RET: variants seen among roughly 807,000 people sequenced by gnomAD.
The protein encoded by RET is proto-oncogene tyrosine-protein kinase receptor Ret.
RET carries 19 observed loss-of-function variants against 118.3 expected under a neutral mutation model. That is an observed-to-expected ratio of 0.16 (90% confidence interval 0.11 to 0.24). The LOEUF is 0.24. Among genes scored for constraint, RET ranks in the 10% least tolerant of loss-of-function variants. RET has a pLI of 1.00. For synonymous variants in RET, 597 were observed against 644.1 expected (o/e 0.93, Z 1.11); for missense variants, 1,219 against 1,502.1 (o/e 0.81, Z 3.12).
rs1303761164 is a variant in RET, at chr10:43,104,965, C to A, written c.639C>A (p.Pro213=). ...AYRLLEGEGL[P]FRCAPDSLEV... is the part of the protein sequence containing the mutation. ...CTTGGTGCGCAGGTGAGGGTCTGCC[C>A]TTCCGCTGCGCCCCGGACAGCCTGG... Residue 213 remains proline (P), a synonymous_variant, in exon 4 of 20, where the codon CCC becomes CCA. Transcript: ENST00000355710. 1 of 1,569,294 alleles carries A rather than the reference C, an allele frequency of 6.4e-7. No homozygotes were observed. The highest frequency in any genetic ancestry group is 8.6e-7 in the Non-Finnish European group (1 of 1,165,906).
chr10:43,079,199 G>A (rs1420637269), intron 1 of RET, among the ~76,000 whole-genome samples: 2 of 152,120 alleles, frequency 1.3e-5, no homozygotes, highest in African/African-American at 4.8e-5. Flanking sequence ...ACTCACACTG[G>A]ATCACCAAGA....
At position 43,105,170 on chromosome 10, in the gene RET, G is replaced by C; in HGVS notation, c.844G>C (p.Val282Leu). 1 of 1,612,922 alleles carries C rather than the reference G, an allele frequency of 6.2e-7. No individual in the cohort carries two copies. The highest frequency in any genetic ancestry group is 8.5e-7 in the Non-Finnish European group (1 of 1,179,902). The change falls in exon 4 of 20, where the codon GTG (valine) becomes CTG (leucine). Residue 282 changes from valine to leucine, a missense_variant. Val to Leu is a conservative substitution (Grantham distance 32). Coordinates refer to ENST00000355710, the MANE Select transcript of RET (RefSeq NM_020975.6). Reference sequence around the variant, plus strand: ...CGCGGGCGTCGACACCGCCAGCGCCGTGGTGGAGTTCAAGCGGAAGGAGGT... The same window carrying C: ...CGCGGGCGTCGACACCGCCAGCGCCCTGGTGGAGTTCAAGCGGAAGGAGGT... ...FPAGVDTASA[V>L]VEFKRKEDTV...
chr10:43,102,660 A>C, intron 3 of RET, 31 bp downstream of exon 3: 1 of 1,613,080 alleles, frequency 6.2e-7, no homozygotes, highest in Non-Finnish European at 8.5e-7. Context: ...GCCGCCCCAC[A>C]GTGCCTGCTA....
At position 43,106,320 on chromosome 10, in the gene RET, G is replaced by A; in HGVS notation, c.868-56G>A. 1 of 1,544,456 alleles carries A rather than the reference G, an allele frequency of 6.5e-7. No homozygotes were observed. The highest frequency in any genetic ancestry group is 8.8e-7 in the Non-Finnish European group (1 of 1,131,928). On this transcript the variant is annotated intron_variant, in intron 4 of 19. Transcript: ENST00000355710. The surrounding 1 kb of genome is among the most constrained non-coding windows in gnomAD (Gnocchi z 5.1). Reference sequence around the variant, plus strand: ...CAGCATTCTAAGGTCTCTGGTTTTGGGGGGTCTGAGGGGCCCATCTCGCCT... The same window carrying A: ...CAGCATTCTAAGGTCTCTGGTTTTGAGGGGTCTGAGGGGCCCATCTCGCCT...
intron 15 of RET, among the ~76,000 whole-genome samples, 154 bp downstream of exon 15, chr10:43,120,357 C>A (rs1838187647): frequency 6.6e-6 from 1 of 152,106 alleles, no homozygotes; most frequent in African/African-American, 2.4e-5. Context: ...ACCCTGGGTC[C>A]CCAAGGACCC....
At chr10:43,104,788 ACTCGTG>A (rs1837720227) in intron 3 of RET, 158 bp from the exon 4 acceptor site, 2 of 1,077,996 alleles carry the variant, frequency 1.9e-6, no homozygotes, top group Non-Finnish European at 2.6e-6. Context: ...CAAACTGCAA[ACTCGTG>A]CTCCGAGCGC....
At chr10:43,111,156 T>C in intron 6 of RET, 51 bp from the exon 7 acceptor site, 1 of 1,609,242 alleles carries the variant, frequency 6.2e-7, no homozygotes, top group Non-Finnish European at 8.5e-7. Context: ...CCTCAGGCCA[T>C]TACAGGCCGG....
In RET at chr10:43,112,133, T is replaced by A. The variant is rs2132797536; in HGVS notation, c.1557T>A (p.Cys519Ter). 6.2e-7 allele frequency: 1 copy of A among 1,600,704 alleles called. No individual in the cohort carries two copies. Among genetic ancestry groups the A allele is most frequent in the Non-Finnish European group, 8.5e-7 (1 of 1,173,658 alleles). ...VAEEAGCPLSCAVSKRRLECE... is the reference protein window; with the variant it reads ...VAEEAGCPLS ...AGGAGGCGGGCTGCCCCCTGTCCTGTGCAGTCAGCAAGAGACGGCTGGAGT... is the reference window on the plus strand; with the variant it reads ...AGGAGGCGGGCTGCCCCCTGTCCTGAGCAGTCAGCAAGAGACGGCTGGAGT... Residue 519 changes from cysteine (C) to a stop codon, truncating the protein, a stop_gained, in exon 8 of 20, where the codon TGT becomes TGA. Transcript: ENST00000355710. LOFTEE classifies it high-confidence loss of function.
At chr10:43,122,052 A>G (rs1353956835) in intron 16 of RET, 36 bp downstream of exon 16, 1 of 1,531,344 alleles carries the variant, frequency 6.5e-7, no homozygotes, top group Non-Finnish European at 9.1e-7. Context: ...GGTGGAGGTT[A>G]CAGAAACACC....
intron 7 of RET, 125 bp from the exon 8 acceptor site, chr10:43,111,974 T>C (rs2132791892): frequency 7.3e-7 from 1 of 1,370,620 alleles, no homozygotes; most frequent in Non-Finnish European, 1.0e-6. Context: ...CCTGGGTCTG[T>C]CACTCCGGTC....
At chr10:43,086,430 A>G (rs1837290219) in intron 1 of RET, among the ~76,000 whole-genome samples, 1 of 152,132 alleles carries the variant, frequency 6.6e-6, no homozygotes. Flanking sequence ...GCACATGGAC[A>G]TGATCTGAGT....
chr10:43,097,639 C>T (rs971173917), intron 1 of RET, among the ~76,000 whole-genome samples: 2 of 152,174 alleles, frequency 1.3e-5, no homozygotes, highest in African/African-American at 4.8e-5. Context: ...ATGCAGCACC[C>T]CCTCCCACCC....
chr10:43,119,959 C>A, intron 14 of RET, 122 bp from the exon 15 acceptor site: 1 of 1,475,870 alleles, frequency 6.8e-7, no homozygotes, highest in South Asian at 1.2e-5. Flanking sequence ...ACACCCCCGG[C>A]CCAGGTCTCA....
Position 43,099,625 on chromosome 10 carries a change from A to G in RET, c.74-834A>G, listed in dbSNP as rs377367600. On this transcript the variant is annotated intron_variant, in intron 1 of 19. Coordinates refer to ENST00000355710, the MANE Select transcript of RET (RefSeq NM_020975.6). ...ACTGACAAACGAATATGCCCACGTG[A>G]TCTGCACCCTTCTCAGGATATGGGA... Among the ~76,000 whole-genome samples the G allele has an allele frequency of 3.3e-5, 5 of 152,246 alleles. No homozygotes were observed. The East Asian group carries it at 5.8e-4, about 18-fold the overall frequency.
chr10:43,113,693 G>A lies in RET; in HGVS notation c.1879+18G>A, dbSNP rs368088386. On this transcript the variant is annotated intron_variant, in intron 10 of 19. Coordinates refer to ENST00000355710, the MANE Select transcript of RET (RefSeq NM_020975.6). ...CATCCAGGGTGAGTGGGTGGCGGCC[G>A]GGACCACCACCACCTCCCAGCCCCA... 1.2e-5 allele frequency: 20 copies of A among 1,612,186 alleles called. No homozygotes were observed. The highest frequency in any genetic ancestry group is 9.9e-5 in the South Asian group (9 of 90,852).
Position 43,082,158 on chromosome 10 carries a change from G to T in RET, c.73+4827G>T, listed in dbSNP as rs200244024. Among the ~76,000 whole-genome samples the T allele has an allele frequency of 1.4e-4, 22 of 152,306 alleles. No homozygotes were observed. The East Asian group carries it at 3.7e-3, about 25-fold the overall frequency. ...TGAACTGTCCACCCTGAGACTGCAG[G>T]CAGGGCAGGGCTGGGCAAGAGCAGG... is the stretch of plus-strand genomic sequence containing the variant. On this transcript the variant is annotated intron_variant, in intron 1 of 19. Coordinates refer to ENST00000355710, the MANE Select transcript of RET (RefSeq NM_020975.6).
At chr10:43,119,262 A>C (rs2132939327) in intron 13 of RET, among the ~76,000 whole-genome samples, 1 of 152,334 alleles carries the variant, frequency 6.6e-6, no homozygotes, top group Non-Finnish European at 1.5e-5. Context: ...GGTGCCTCCC[A>C]GGGCAGTGTC....
intron 1 of RET, among the ~76,000 whole-genome samples, chr10:43,082,768 G>A (rs559187777): frequency 6.6e-6 from 1 of 152,338 alleles, no homozygotes; most frequent in South Asian, 2.1e-4. Flanking sequence ...TTGTGTTCCT[G>A]AGAGGGAAAA....
chr10:43,086,439 G>T (rs1441323550), intron 1 of RET, among the ~76,000 whole-genome samples: 1 of 152,232 alleles, frequency 6.6e-6, no homozygotes, highest in Non-Finnish European at 1.5e-5. Flanking sequence ...CATGATCTGA[G>T]TCACTGCCTT....
Sources: allele counts gnomAD v4.1 joint callset (sites outside exome capture counted in the v4.1 genomes callset), GRCh38; gene constraint gnomAD v4.1.1; non-coding constraint Gnocchi (gnomAD v3.1); transcripts MANE v1.5; gene names NCBI Gene and HGNC (gene_info 2026-07-23, HGNC 2026-07-21).